Variants in RIC1 observed in about 807,000 individuals in gnomAD.
The protein encoded by RIC1 is RIC1 partner of RAB6A GEF complex, also known as guanine nucleotide exchange factor subunit RIC1.
In RIC1, 88 loss-of-function variants were observed where a neutral mutation model predicts 169.0. That is an observed-to-expected ratio of 0.52 (90% CI 0.44 to 0.62). The LOEUF is 0.62. Among genes scored for constraint, RIC1 ranks in the 20% least tolerant of loss-of-function variants. RIC1 has a pLI of 0.00. For synonymous variants in RIC1, 790 were observed against 601.5 expected, an observed-to-expected ratio of 1.31 and a Z score of -4.59; for missense variants, 1,877 against 1,725.5, an observed-to-expected ratio of 1.09 and a Z score of -1.56.
At chr9:5,741,760 C>G (rs184384665) in intron 8 of RIC1, among the ~76,000 whole-genome samples, 1 of 152,084 alleles carries the variant, frequency 6.6e-6, no homozygotes. Context: ...AAATCTGAAG[C>G]CTTTCTGAGT....
At chr9:5,631,917 G>A (rs1817733550) in intron 1 of RIC1, among the ~76,000 whole-genome samples, 1 of 152,242 alleles carries the variant, frequency 6.6e-6, no homozygotes, top group East Asian at 1.9e-4. Flanking sequence ...AAGTGAAAAT[G>A]CCTTTAGGTA....
intron 12 of RIC1, among the ~76,000 whole-genome samples, chr9:5,751,842 A>G (rs918504383): frequency 2.6e-5 from 4 of 152,192 alleles, no homozygotes; most frequent in Non-Finnish European, 5.9e-5. Flanking sequence ...CTTTTACTTA[A>G]TTTTCTGTCT....
At chr9:5,768,565 G>T (rs992196372) in intron 21 of RIC1, among the ~76,000 whole-genome samples, 7 of 152,104 alleles carry the variant, frequency 4.6e-5, no homozygotes, top group African/African-American at 1.7e-4. Flanking sequence ...TCATATGTCT[G>T]CATGACTCAC....
intron 3 of RIC1, among the ~76,000 whole-genome samples, chr9:5,706,225 C>A (rs1305220744): frequency 6.6e-6 from 1 of 152,046 alleles, no homozygotes; most frequent in East Asian, 1.9e-4. Context: ...TTTGGGAGGC[C>A]AAGGTGGGCA....
At position 5,641,897 on chromosome 9, in the gene RIC1, T is replaced by C. The variant is rs73390678; in HGVS notation, c.144+12444T>C. ...TCCTGCCTGAAAGGTCACATATCTA[T>C]CTCTGTTTTTCCAGGATTGGTCCCT... is the stretch of plus-strand genomic sequence containing the variant. On this transcript the variant is annotated intron_variant, in intron 1 of 25. Coordinates refer to ENST00000414202, the MANE Select transcript of RIC1 (RefSeq NM_020829.4). Among the ~76,000 whole-genome samples, 997 of 144,610 alleles carry C rather than the reference T, an allele frequency of 6.9e-3. 229 individuals are homozygous for C. The highest frequency in any genetic ancestry group is 0.027 in the African/African-American group (949 of 35,364). The allele number at this position is 144,610 out of a possible 152,430, so 94.9% of individuals were successfully genotyped here. A position where few individuals can be genotyped will look rare whatever the true frequency, so the allele number is the denominator to read the frequency against.
intron 3 of RIC1, among the ~76,000 whole-genome samples, chr9:5,693,999 C>T (rs933134635): frequency 7.2e-5 from 11 of 151,780 alleles, no homozygotes; most frequent in African/African-American, 2.7e-4. Flanking sequence ...GAAAAAAAGT[C>T]ACTCCAAAAT....
chr9:5,716,752 A>G (rs934850426), intron 4 of RIC1, among the ~76,000 whole-genome samples: 1 of 152,232 alleles, frequency 6.6e-6, no homozygotes, highest in Non-Finnish European at 1.5e-5. Flanking sequence ...AGTCAGTTGT[A>G]GCAAACACTT....
At chr9:5,630,762 G>GTGTATATATATAAACATATGTGTAAA (rs1817679213) in intron 1 of RIC1, among the ~76,000 whole-genome samples, 1 of 152,152 alleles carries the variant, frequency 6.6e-6, no homozygotes, top group African/African-American at 2.4e-5. Context: ...GTATGTGTGT[G>GTGTATATATATAAACATATGTGTAAA]TGTATATATA....
chr9:5,647,588 T>C (rs1282774917), intron 1 of RIC1, among the ~76,000 whole-genome samples: 1 of 152,224 alleles, frequency 6.6e-6, no homozygotes. Flanking sequence ...TTTTTCTGTG[T>C]TGATTTTGTA....
In RIC1 at chr9:5,641,304, G is replaced by C. The variant is rs373767380; in HGVS notation, c.144+11851G>C. Among the ~76,000 whole-genome samples the C allele has an allele frequency of 9.9e-5, 15 of 152,110 alleles. No homozygotes were observed. In the East Asian group the frequency reaches 2.1e-3, roughly 22 times the overall value. On this transcript the variant is annotated intron_variant, in intron 1 of 25. Transcript: ENST00000414202. ...GATGGGGTTTCACTGTGTTAGCCAG[G>C]ATGGTCTCGATCTCCTGACCTCATG... is the stretch of plus-strand genomic sequence containing the variant.
intron 3 of RIC1, among the ~76,000 whole-genome samples, chr9:5,703,688 T>C (rs1304525011): frequency 6.6e-6 from 1 of 152,268 alleles, no homozygotes; most frequent in African/African-American, 2.4e-5. Flanking sequence ...TAATTCGTGT[T>C]TTAGCATGTA....
At chr9:5,739,877 T>C (rs925690196) in intron 8 of RIC1, among the ~76,000 whole-genome samples, 1 of 152,194 alleles carries the variant, frequency 6.6e-6, no homozygotes, top group African/African-American at 2.4e-5. Context: ...TTCCAATCAG[T>C]GCCTTCACTT....
At position 5,644,179 on chromosome 9, in the gene RIC1, A is replaced by G. The variant is rs1461358801; in HGVS notation, c.145-12404A>G. 2.0e-5 allele frequency among the ~76,000 whole-genome samples: 3 copies of G among 152,176 alleles called. No homozygotes were observed. In the South Asian group the frequency reaches 6.2e-4, roughly 31 times the overall value. Reference sequence around the variant, plus strand: ...CATAATCACAGTCTAGTTTTAGAACATTTATATCAGCCTTAAAAAGTACTA... The same window carrying G: ...CATAATCACAGTCTAGTTTTAGAACGTTTATATCAGCCTTAAAAAGTACTA... On this transcript the variant is annotated intron_variant, in intron 1 of 25. Transcript: ENST00000414202.
intron 3 of RIC1, among the ~76,000 whole-genome samples, chr9:5,693,554 T>C (rs980823693): frequency 1.9e-4 from 29 of 152,176 alleles, no homozygotes; most frequent in African/African-American, 6.3e-4. Context: ...TATCTCTTCA[T>C]ATTAGTTACA....
At chr9:5,656,080 C>T (rs1423982376) in intron 1 of RIC1, among the ~76,000 whole-genome samples, 1 of 151,934 alleles carries the variant, frequency 6.6e-6, no homozygotes, top group African/African-American at 2.4e-5. Context: ...CTGTGTTAGC[C>T]AGGATGGTCT....
At chr9:5,732,281 C>G (rs535086161) in intron 6 of RIC1, 107 bp from the exon 7 acceptor site, 1 of 863,348 alleles carries the variant, frequency 1.2e-6, no homozygotes, top group Admixed American at 2.3e-5. Flanking sequence ...GCAGATGAAA[C>G]CAAATAAAGC....
chr9:5,699,136 C>A (rs1162228866), intron 3 of RIC1, among the ~76,000 whole-genome samples: 1 of 152,332 alleles, frequency 6.6e-6, no homozygotes, highest in Non-Finnish European at 1.5e-5. Flanking sequence ...TACATCATAT[C>A]CTTGAATAAT....
chr9:5,763,209 A>C lies in RIC1; in HGVS notation c.2182A>C (p.Lys728Gln). 6.2e-7 allele frequency: 1 copy of C among 1,614,102 alleles called. No individual in the cohort carries two copies. Among genetic ancestry groups the C allele is most frequent in the Non-Finnish European group, 8.5e-7 (1 of 1,179,984 alleles). The change falls in exon 19 of 26, where the codon AAA becomes CAA. Residue 728 changes from lysine to glutamine, a missense_variant. By Grantham distance (53) the Lys-to-Gln change is moderately conservative (BLOSUM62 1). This residue lies in a region of RIC1 where 1,104 missense variants were observed against 992.0 expected (regional missense o/e 1.11). Coordinates refer to ENST00000414202, the MANE Select transcript of RIC1 (RefSeq NM_020829.4). The surrounding 1 kb of genome is among the most constrained non-coding windows in gnomAD (Gnocchi z 5.2). ...ENVWTTCRAN[K>Q]QKRHLLEALW... ...TGTCTGGACAACGTGTCGAGCAAATAAACAGAAACGTCACCTTCTGGAGGC... is the reference window on the plus strand; with the variant it reads ...TGTCTGGACAACGTGTCGAGCAAATCAACAGAAACGTCACCTTCTGGAGGC...
intron 17 of RIC1, among the ~76,000 whole-genome samples, chr9:5,759,025 G>A (rs986986169): frequency 6.6e-6 from 1 of 151,908 alleles, no homozygotes; most frequent in Non-Finnish European, 1.5e-5. Context: ...TTAAGGGCGT[G>A]AGCCATCGTG....
Sources: gnomAD v4.1 joint callset for allele counts (sites outside exome capture counted in the v4.1 genomes callset) on GRCh38, gnomAD v4.1.1 for gene constraint, gnomAD v4.1.1 regional missense constraint, Gnocchi (gnomAD v3.1) non-coding constraint, MANE v1.5 for transcripts, NCBI Gene and HGNC (gene_info 2026-07-23, HGNC 2026-07-21) for gene names.